Variants in ALDH16A1 observed in about 807,000 individuals in gnomAD.
The protein encoded by ALDH16A1 is aldehyde dehydrogenase 16 family member A1.
A neutral mutation model predicts 96.1 loss-of-function variants in ALDH16A1; 88 were observed. The ratio of observed to expected loss-of-function variants is 0.92; its 90% CI spans 0.77 to 1.09. ALDH16A1 has a LOEUF of 1.09. Among genes scored for constraint, ALDH16A1 ranks in the 50% least tolerant of loss-of-function variants. The pLI is 0.00. For missense variants in ALDH16A1, 1,250 were observed against 1,112.6 expected, an observed-to-expected ratio of 1.12 and a Z score of -1.76; for synonymous variants, 522 against 496.4, an observed-to-expected ratio of 1.05 and a Z score of -0.69.
chr19:49,468,726 G>A lies in ALDH16A1; in HGVS notation c.2125-138G>A, dbSNP rs559964216. 10 of 1,351,572 alleles carry A rather than the reference G, an allele frequency of 7.4e-6. 1 individual carries two copies. In the South Asian group the frequency reaches 1.3e-4, roughly 18 times the overall value. 83.7% of individuals were successfully genotyped at this position (1,351,572 alleles called of 1,614,324 possible). A position where few individuals can be genotyped will look rare whatever the true frequency, so the allele number is the denominator to read the frequency against. On this transcript the variant is annotated intron_variant, in intron 15 of 16. Coordinates refer to ENST00000293350, the MANE Select transcript of ALDH16A1 (RefSeq NM_153329.4). The surrounding 1 kb of genome is among the most constrained non-coding windows in gnomAD (Gnocchi z 4.4). ...AACCTTCACTCCTTGGGGACCCAGT[G>A]CCCATTCTTCACCCTAGGCCTGGGG...
Position 49,470,219 on chromosome 19 carries a change from C to A in ALDH16A1, c.2248-87C>A. ...AGCCTGGGTCCAGCCTGAAGCCCCT[C>A]GTCAGTAACAGTCTTCATCGCGGAG... On this transcript the variant is annotated intron_variant, in intron 16 of 16. Coordinates refer to ENST00000293350, the MANE Select transcript of ALDH16A1 (RefSeq NM_153329.4). 4 of 1,509,112 alleles carry A rather than the reference C, an allele frequency of 2.7e-6. No homozygotes were observed. In the South Asian group the frequency reaches 3.6e-5, roughly 14 times the overall value. The allele number at this position is 1,509,112 out of a possible 1,614,324, so 93.5% of individuals were successfully genotyped here. A position where few individuals can be genotyped will look rare whatever the true frequency, so the allele number is the denominator to read the frequency against.
At chr19:49,458,864 C>A in intron 2 of ALDH16A1, 96 bp from the exon 3 acceptor site, 1 of 1,488,714 alleles carries the variant, frequency 6.7e-7, no homozygotes. Flanking sequence ...ACCAGCTTTA[C>A]ACTCTTGGGC....
At chr19:49,463,570 T>C (rs1282381705) in intron 8 of ALDH16A1, among the ~76,000 whole-genome samples, 1 of 19,422 alleles carries the variant, frequency 5.1e-5, no homozygotes. Context: ...TGCTGGGGCC[T>C]GGATTCCTGG....
In ALDH16A1 at chr19:49,453,441, G is replaced by A. The variant is rs1568645499; in HGVS notation, c.90+20G>A. Reference sequence around the variant, plus strand: ...GCACTGGTGAGAGTCTGCCCGGCCGGCGCTGCTCGCTGCGTTCCCCAGGCC... The same window carrying A: ...GCACTGGTGAGAGTCTGCCCGGCCGACGCTGCTCGCTGCGTTCCCCAGGCC... On this transcript the variant is annotated intron_variant, in intron 1 of 16. Coordinates refer to ENST00000293350, the MANE Select transcript of ALDH16A1 (RefSeq NM_153329.4). The A allele has an allele frequency of 5.3e-6, 8 of 1,513,778 alleles. No homozygotes were observed. The highest frequency in any genetic ancestry group is 1.2e-5 in the South Asian group (1 of 83,010). The allele number at this position is 1,513,778 out of a possible 1,614,324, so 93.8% of individuals were successfully genotyped here. A position where few individuals can be genotyped will look rare whatever the true frequency, so the allele number is the denominator to read the frequency against.
intron 7 of ALDH16A1, among the ~76,000 whole-genome samples, 183 bp from the exon 8 acceptor site, chr19:49,462,387 G>A (rs563140836): frequency 3.9e-5 from 6 of 152,222 alleles, no homozygotes; most frequent in Admixed American, 6.5e-5. Flanking sequence ...CGCCCACCTC[G>A]GCCTCCCAAA....
In ALDH16A1 at chr19:49,461,955, G is replaced by T; in HGVS notation, c.831G>T (p.Ser277=). Residue 277 remains serine (S), a synonymous_variant, in exon 7 of 17, where the codon TCG becomes TCT. Coordinates refer to ENST00000293350, the MANE Select transcript of ALDH16A1 (RefSeq NM_153329.4). ...TGGGCCTGGCGCTGGGGACGGAGTC[G>T]CTGCTGCTGCTGACGGACACGGCGG... The part of the protein sequence containing the change: ...AELGLALGTE[S]LLLLTDTADV... 6.4e-7 allele frequency: 1 copy of T among 1,564,138 alleles called. No homozygotes were observed.
chr19:49,462,874 TG>T lies in ALDH16A1; in HGVS notation c.1098+122del, dbSNP rs2079163409. 5 of 656,408 alleles carry T rather than the reference TG, an allele frequency of 7.6e-6. No homozygotes were observed. In the African/African-American group the frequency reaches 1.4e-4, roughly 18 times the overall value. The allele number at this position is 656,408 out of a possible 1,614,324, so 40.7% of individuals were successfully genotyped here. On this transcript the variant is annotated intron_variant, in intron 8 of 16. Coordinates refer to ENST00000293350, the MANE Select transcript of ALDH16A1 (RefSeq NM_153329.4). ...CAACTGGGTCCGAGGAAGGAGGGGCTGGGAGCCTGGACTCCTGGGTCTGAAG... is the reference window on the plus strand; with the variant it reads ...CAACTGGGTCCGAGGAAGGAGGGGCTGGAGCCTGGACTCCTGGGTCTGAAG...
Position 49,466,348 on chromosome 19 carries a change from G to A in ALDH16A1, c.1938+65G>A, listed in dbSNP as rs1181207184. 4 of 1,400,290 alleles carry A rather than the reference G, an allele frequency of 2.9e-6. No homozygotes were observed. In the African/African-American group the frequency reaches 4.4e-5, roughly 15 times the overall value. The allele number at this position is 1,400,290 out of a possible 1,614,324, so 86.7% of individuals were successfully genotyped here. A position where few individuals can be genotyped will look rare whatever the true frequency, so the allele number is the denominator to read the frequency against. The stretch of plus-strand genomic sequence containing the variant: ...GGGTGGGGCTCAGACCAGAGGCTGT[G>A]AGATAACCCAGGCTTGGAATTCGGG... On this transcript the variant is annotated intron_variant, in intron 14 of 16. Coordinates refer to ENST00000293350, the MANE Select transcript of ALDH16A1 (RefSeq NM_153329.4).
At position 49,453,403 on chromosome 19, in the gene ALDH16A1, G is replaced by A; in HGVS notation, c.72G>A (p.Glu24=). The A allele has an allele frequency of 6.4e-7, 1 of 1,556,504 alleles. No homozygotes were observed. The highest frequency in any genetic ancestry group is 8.7e-7 in the Non-Finnish European group (1 of 1,152,786). ...FTSLEYGPVP[E]SHACALAWLD... ...CGCTGGAGTACGGACCGGTGCCGGA[G>A]AGCCACGCATGCGCACTGGTGAGAG... Residue 24 remains glutamate, a synonymous_variant, in exon 1 of 17, where the codon GAG becomes GAA. Coordinates refer to ENST00000293350, the MANE Select transcript of ALDH16A1 (RefSeq NM_153329.4).
At position 49,462,651 on chromosome 19, in the gene ALDH16A1, A is replaced by C; in HGVS notation, c.994A>C (p.Ser332Arg). The C allele has an allele frequency of 1.2e-6, 2 of 1,612,240 alleles. No individual in the cohort carries two copies. Among genetic ancestry groups the C allele is most frequent in the Non-Finnish European group, 1.7e-6 (2 of 1,179,834 alleles). The change falls in exon 8 of 17, where the codon AGT becomes CGT. Residue 332 changes from serine (S) to arginine (R), a missense_variant. Transcript: ENST00000293350. ...GCAGGAGCGGATGGGGCGGCTTCGGAGTGGCCGAGGGCTGGATGGGGCCGT... is the reference window on the plus strand; with the variant it reads ...GCAGGAGCGGATGGGGCGGCTTCGGCGTGGCCGAGGGCTGGATGGGGCCGT... ...RLQERMGRLR[S>R]GRGLDGAVDM...
At position 49,466,115 on chromosome 19, in the gene ALDH16A1, C is replaced by A; in HGVS notation, c.1770C>A (p.Ala590=). ...GCCAGTCCCCAGGAGCCCGGGCAGC[C>A]CTGCTGTGGGCCCTGGCGGCTGCAC... ...WAGQSPGARA[A]LLWALAAALE... Residue 590 remains alanine (A), a synonymous_variant, in exon 14 of 17, where the codon GCC becomes GCA. Transcript: ENST00000293350. 6.4e-7 allele frequency: 1 copy of A among 1,552,322 alleles called. No homozygotes were observed. Among genetic ancestry groups the A allele is most frequent in the Non-Finnish European group, 8.7e-7 (1 of 1,151,786 alleles).
At chr19:49,466,556 C>T (rs2946860) in intron 14 of ALDH16A1, among the ~76,000 whole-genome samples, 12,695 of 152,186 alleles carry the variant, frequency 0.083, 1,388 homozygotes, top group African/African-American at 0.24. Context: ...TTAGGCGGTT[C>T]TCACATTGCT....
chr19:49,465,669 T>C (rs921952641), intron 12 of ALDH16A1, 69 bp from the exon 13 acceptor site: 6 of 1,516,802 alleles, frequency 4.0e-6, no homozygotes, highest in Non-Finnish European at 5.4e-6. Flanking sequence ...GTCTTCCCAG[T>C]GCGGTAGAGC....
intron 10 of ALDH16A1, 36 bp from the exon 11 acceptor site, chr19:49,464,380 TG>T (rs1433256769): frequency 2.5e-6 from 4 of 1,570,244 alleles, no homozygotes; most frequent in Non-Finnish European, 3.5e-6. Context: ...TGCCACCGTC[TG>T]TTTTCCTCTG....
intron 1 of ALDH16A1, 178 bp downstream of exon 1, chr19:49,453,599 G>GT (rs1183548366): frequency 1.7e-6 from 1 of 585,228 alleles, no homozygotes; most frequent in African/African-American, 1.9e-5. Flanking sequence ...AGCCTTGGCG[G>GT]TGGCAGCCTT....
intron 12 of ALDH16A1, among the ~76,000 whole-genome samples, chr19:49,465,394 G>A (rs2079189449): frequency 6.6e-6 from 1 of 151,380 alleles, no homozygotes. Context: ...AGGAGTTTAG[G>A]GTACCCAGAG....
rs1393109210 is a variant in ALDH16A1 at position 49,453,386 on chromosome 19, T to C, written c.55T>C (p.Tyr19His). The C allele has an allele frequency of 6.4e-7, 1 of 1,564,324 alleles. No individual in the cohort carries two copies. ...CCGCGAGATCTTCACCTCGCTGGAG[T>C]ACGGACCGGTGCCGGAGAGCCACGC... is the stretch of plus-strand genomic sequence containing the variant. ...RAREIFTSLE[Y>H]GPVPESHACA... Residue 19 changes from tyrosine to histidine, a missense_variant, in exon 1 of 17, where the codon TAC becomes CAC. Coordinates refer to ENST00000293350, the MANE Select transcript of ALDH16A1 (RefSeq NM_153329.4).
intron 12 of ALDH16A1, 26 bp from the exon 13 acceptor site, chr19:49,465,712 C>A (rs374858987): frequency 3.8e-6 from 6 of 1,599,982 alleles, no homozygotes; most frequent in Non-Finnish European, 5.1e-6. Flanking sequence ...CCCCAGGACT[C>A]CTCCTCATGT....
At position 49,468,648 on chromosome 19, in the gene ALDH16A1, G is replaced by A; in HGVS notation, c.2124+82G>A. Reference sequence around the variant, plus strand: ...GGCGCCCCAAAGTCGGCAGGAGCTTGTCTCTTACCCCACCCTCCGTGGTAC... The same window carrying A: ...GGCGCCCCAAAGTCGGCAGGAGCTTATCTCTTACCCCACCCTCCGTGGTAC... On this transcript the variant is annotated intron_variant, in intron 15 of 16. Coordinates refer to ENST00000293350, the MANE Select transcript of ALDH16A1 (RefSeq NM_153329.4). This position sits in a 1 kb window ranked among gnomAD's most constrained non-coding sequence, Gnocchi z 4.4. 1.3e-6 allele frequency: 2 copies of A among 1,525,100 alleles called. No individual in the cohort carries two copies. Among genetic ancestry groups the A allele is most frequent in the Non-Finnish European group, 1.8e-6 (2 of 1,129,924 alleles). The allele number at this position is 1,525,100 out of a possible 1,614,324, so 94.5% of individuals were successfully genotyped here. A position where few individuals can be genotyped will look rare whatever the true frequency, so the allele number is the denominator to read the frequency against.
Sources: gnomAD v4.1 joint callset for allele counts (sites outside exome capture counted in the v4.1 genomes callset) on GRCh38, gnomAD v4.1.1 for gene constraint, Gnocchi (gnomAD v3.1) non-coding constraint, MANE v1.5 for transcripts, NCBI Gene and HGNC (gene_info 2026-07-23, HGNC 2026-07-21) for gene names.